Variants in UBR2 observed in about 807,000 individuals in gnomAD.
The protein encoded by UBR2 is E3 ubiquitin-protein ligase UBR2.
In UBR2, 92 loss-of-function variants were observed where a neutral mutation model predicts 247.9. That is an observed-to-expected ratio of 0.37 (90% CI 0.31 to 0.44). The LOEUF (loss-of-function observed/expected upper bound fraction) is 0.44. Ranked by LOEUF, UBR2 falls within the 20% of genes least tolerant of loss-of-function variation. UBR2 has a pLI of 1.00. For synonymous variants in UBR2, 672 were observed against 693.5 expected, an observed-to-expected ratio of 0.97 and a Z score of 0.49; for missense variants, 1,613 against 2,112.6, an observed-to-expected ratio of 0.76 and a Z score of 4.64.
intron 2 of UBR2, among the ~76,000 whole-genome samples, chr6:42,586,349 G>T (rs1363749802): frequency 6.6e-6 from 1 of 152,140 alleles, no homozygotes; most frequent in African/African-American, 2.4e-5. Flanking sequence ...AACACAGCCA[G>T]ACCTTGTCTC....
At position 42,567,771 on chromosome 6, in the gene UBR2, C is replaced by T. The variant is rs147012659; in HGVS notation, c.78+3374C>T. ...GAAATACAGGTTGGGAGCACTGGCTCATGCCAGTAATCCCAGCTATTTGGG... is the reference window on the plus strand; with the variant it reads ...GAAATACAGGTTGGGAGCACTGGCTTATGCCAGTAATCCCAGCTATTTGGG... On this transcript the variant is annotated intron_variant, in intron 1 of 46. Transcript: ENST00000372901. Among the ~76,000 whole-genome samples the T allele has an allele frequency of 1.9e-3, 294 of 152,244 alleles. 1 individual carries two copies. Among genetic ancestry groups the T allele is most frequent in the African/African-American group, 6.9e-3 (285 of 41,534 alleles).
rs557022885 is a variant in UBR2 at position 42,659,046 on chromosome 6, C to T, written c.3242+222C>T. On this transcript the variant is annotated intron_variant, in intron 29 of 46. Transcript: ENST00000372901. This position sits in a 1 kb window ranked among gnomAD's most constrained non-coding sequence, Gnocchi z 4.3. ...CTGGTAGGGTATTTTCTGCAGAAGACCTTGGACATTCATGAAAGAATGAGT... is the reference window on the plus strand; with the variant it reads ...CTGGTAGGGTATTTTCTGCAGAAGATCTTGGACATTCATGAAAGAATGAGT... 6.6e-6 allele frequency among the ~76,000 whole-genome samples: 1 copy of T among 152,088 alleles called. No homozygotes were observed. The highest frequency in any genetic ancestry group is 1.9e-4 in the East Asian group (1 of 5,172).
rs1491232088 is a variant in UBR2, at chr6:42,614,402, ACG to A, written c.986-668_986-667del. On this transcript the variant is annotated intron_variant, in intron 8 of 46. Coordinates refer to ENST00000372901, the MANE Select transcript of UBR2 (RefSeq NM_001363705.2). ...TATATATGTATGTACGTACATACAT[ACG>A]TATGTATGTACGTACGTACATATAT... Among the ~76,000 whole-genome samples, 15 of 67,324 alleles carry A rather than the reference ACG, an allele frequency of 2.2e-4. 2 individuals are homozygous for A. Among genetic ancestry groups the A allele is most frequent in the African/African-American group, 7.0e-4 (14 of 20,042 alleles). 44.2% of individuals were successfully genotyped at this position (67,324 alleles called of 152,430 possible).
chr6:42,572,904 C>T (rs977575190), intron 1 of UBR2, among the ~76,000 whole-genome samples: 1 of 152,200 alleles, frequency 6.6e-6, no homozygotes, highest in Non-Finnish European at 1.5e-5. Context: ...GAGACTTCAC[C>T]ATGTTGGCCA....
intron 41 of UBR2, 150 bp from the exon 42 acceptor site, chr6:42,679,574 A>G: frequency 4.6e-6 from 3 of 651,704 alleles, no homozygotes; most frequent in South Asian, 3.5e-5. Context: ...GATTCCTTCC[A>G]TGTGCCATTC....
At chr6:42,565,174 A>G (rs149473360) in intron 1 of UBR2, among the ~76,000 whole-genome samples, 2 of 152,234 alleles carry the variant, frequency 1.3e-5, no homozygotes, top group Non-Finnish European at 2.9e-5. Context: ...TTCCAAACGT[A>G]AAACCGTTCA....
At chr6:42,649,596 A>G (rs1796991174) in intron 22 of UBR2, among the ~76,000 whole-genome samples, 1 of 152,222 alleles carries the variant, frequency 6.6e-6, no homozygotes, top group Non-Finnish European at 1.5e-5. Context: ...TCAACACTTT[A>G]ATATGAGCAG....
chr6:42,567,558 G>A (rs757491118), intron 1 of UBR2, among the ~76,000 whole-genome samples: 5 of 152,082 alleles, frequency 3.3e-5, no homozygotes, highest in Non-Finnish European at 5.9e-5. Flanking sequence ...GTGAAACCCT[G>A]TCTCTACTAA....
chr6:42,629,854 C>T (rs1795590501), intron 11 of UBR2, among the ~76,000 whole-genome samples: 1 of 152,032 alleles, frequency 6.6e-6, no homozygotes, highest in Non-Finnish European at 1.5e-5. Context: ...GAAATATGTG[C>T]TTCTTTTGTT....
At chr6:42,621,642 A>T (rs1268438963) in intron 11 of UBR2, among the ~76,000 whole-genome samples, 2 of 151,922 alleles carry the variant, frequency 1.3e-5, no homozygotes, top group East Asian at 3.9e-4. Flanking sequence ...TTGTATTTTT[A>T]GTAGAGATGG....
At chr6:42,682,303 T>C (rs1473612541) in intron 42 of UBR2, among the ~76,000 whole-genome samples, 1 of 152,014 alleles carries the variant, frequency 6.6e-6, no homozygotes, top group African/African-American at 2.4e-5. Context: ...TTGGGAAAGA[T>C]GAAAATGTTC....
chr6:42,669,199 A>C (rs1304677651), intron 34 of UBR2, among the ~76,000 whole-genome samples: 1 of 152,226 alleles, frequency 6.6e-6, no homozygotes, highest in African/African-American at 2.4e-5. Context: ...TGCTAGGATT[A>C]CATGCTGAGC....
chr6:42,673,197 A>T (rs1159674233), intron 36 of UBR2, among the ~76,000 whole-genome samples: 1 of 152,158 alleles, frequency 6.6e-6, no homozygotes, highest in Non-Finnish European at 1.5e-5. Context: ...TCTCTTTAGG[A>T]TACTCTACAT....
chr6:42,691,345 T>G lies in UBR2; in HGVS notation c.*172T>G. ...GAAAATCATCTTCCATCAGCAGATT[T>G]TCTTGCACTGTTTGCTGTGCCCCTC... On this transcript the variant is annotated 3_prime_UTR_variant, in exon 47 of 47. Transcript: ENST00000372901. 1 of 859,394 alleles carries G rather than the reference T, an allele frequency of 1.2e-6. No individual in the cohort carries two copies. The highest frequency in any genetic ancestry group is 1.8e-6 in the Non-Finnish European group (1 of 568,402). 53.2% of individuals were successfully genotyped at this position (859,394 alleles called of 1,614,324 possible).
At chr6:42,676,959 G>C in intron 40 of UBR2, 86 bp downstream of exon 40, 2 of 1,136,948 alleles carry the variant, frequency 1.8e-6, no homozygotes, top group Non-Finnish European at 1.3e-6. Context: ...TGTTAATTAG[G>C]GGAATTTGTT....
chr6:42,668,134 C>T (rs1010531635), intron 34 of UBR2, among the ~76,000 whole-genome samples: 3 of 152,148 alleles, frequency 2.0e-5, no homozygotes, highest in African/African-American at 7.2e-5. Context: ...CCTACACAGC[C>T]TCTGTTCTCC....
intron 2 of UBR2, 115 bp from the exon 3 acceptor site, chr6:42,592,036 C>T: frequency 2.0e-6 from 2 of 1,006,476 alleles, no homozygotes; most frequent in Admixed American, 2.8e-5. Flanking sequence ...TTTTTTAAAA[C>T]ACCAAAAAAC....
At chr6:42,566,390 T>G (rs1321429933) in intron 1 of UBR2, among the ~76,000 whole-genome samples, 1 of 152,144 alleles carries the variant, frequency 6.6e-6, no homozygotes, top group Non-Finnish European at 1.5e-5. Flanking sequence ...TGTTTACTTT[T>G]TTTGTTTGTT....
intron 4 of UBR2, among the ~76,000 whole-genome samples, chr6:42,599,660 G>A (rs935500350): frequency 2.6e-5 from 4 of 151,704 alleles, no homozygotes; most frequent in Non-Finnish European, 5.9e-5. Flanking sequence ...GTTTTGTTTT[G>A]TTTTGTTGAG....
Sources: gnomAD v4.1 joint callset for allele counts (sites outside exome capture counted in the v4.1 genomes callset) on GRCh38, gnomAD v4.1.1 for gene constraint, Gnocchi (gnomAD v3.1) non-coding constraint, MANE v1.5 for transcripts, NCBI Gene and HGNC (gene_info 2026-07-23, HGNC 2026-07-21) for gene names.